Variants in RIT2 observed in about 807,000 individuals in gnomAD.
The protein encoded by RIT2 is Ras like without CAAX 2, also known as GTP-binding protein Rit2.
In RIT2, 24 loss-of-function variants were observed where a neutral mutation model predicts 23.7. The observed-to-expected ratio is 1.01, with a 90% CI of 0.73 to 1.43. The LOEUF (loss-of-function observed/expected upper bound fraction) is 1.43, where lower values mean the gene tolerates loss of function less well. RIT2 is among the 40% of genes most tolerant of loss of function. RIT2 has a pLI of 0.00. For synonymous variants in RIT2, 107 were observed against 91.1 expected, an observed-to-expected ratio of 1.17 and a Z score of -0.99; for missense variants, 236 against 266.9, an observed-to-expected ratio of 0.88 and a Z score of 0.81.
chr18:42,994,460 C>T (rs547855265), intron 2 of RIT2, among the ~76,000 whole-genome samples: 2 of 152,236 alleles, frequency 1.3e-5, no homozygotes, highest in South Asian at 4.1e-4. Flanking sequence ...TTTTGCCATC[C>T]TAACAAAACC....
chr18:43,004,326 T>A lies in RIT2; in HGVS notation c.160+29485A>T, dbSNP rs772556382. Among the ~76,000 whole-genome samples the A allele has an allele frequency of 3.2e-4, 49 of 151,972 alleles. 1 individual carries two copies. The highest frequency in any genetic ancestry group is 2.5e-3 in the Admixed American group (38 of 15,240). Reference sequence around the variant, plus strand: ...TTTTCAGCAGGTCAGTTCTCCCTACTCTGCTTAGAGTGAGTTTAGCTCATT... The same window carrying A: ...TTTTCAGCAGGTCAGTTCTCCCTACACTGCTTAGAGTGAGTTTAGCTCATT... On this transcript the variant is annotated intron_variant, in intron 2 of 4. Transcript: ENST00000326695.
intron 2 of RIT2, among the ~76,000 whole-genome samples, chr18:42,990,184 T>C (rs1044135759): frequency 6.6e-6 from 1 of 152,078 alleles, no homozygotes; most frequent in Non-Finnish European, 1.5e-5. Flanking sequence ...AGAGGACTAA[T>C]GGTGTAACTT....
Position 43,034,363 on chromosome 18 carries a change from A to G in RIT2, c.104-496T>C, listed in dbSNP as rs141286425. On this transcript the variant is annotated intron_variant, in intron 1 of 4. Coordinates refer to ENST00000326695, the MANE Select transcript of RIT2 (RefSeq NM_002930.4). ...TCTTTAACTGTTCAAAATTAAAATTATTTCAGTTACTTTTATTTTGCCTAA... is the reference window on the plus strand; with the variant it reads ...TCTTTAACTGTTCAAAATTAAAATTGTTTCAGTTACTTTTATTTTGCCTAA... Among the ~76,000 whole-genome samples, 455 of 152,250 alleles carry G rather than the reference A, an allele frequency of 3.0e-3. 5 individuals carry two copies. Among genetic ancestry groups the G allele is most frequent in the African/African-American group, 0.01 (428 of 41,544 alleles).
intron 1 of RIT2, among the ~76,000 whole-genome samples, chr18:43,106,094 C>T (rs1343874160): frequency 6.6e-6 from 1 of 152,220 alleles, no homozygotes; most frequent in Non-Finnish European, 1.5e-5. Context: ...ATATTAACCA[C>T]ACCCACACTT....
At chr18:42,826,777 A>T (rs943351201) in intron 4 of RIT2, among the ~76,000 whole-genome samples, 6 of 152,158 alleles carry the variant, frequency 3.9e-5, no homozygotes, top group Admixed American at 2.0e-4. Context: ...TGTGCCAAAT[A>T]CACGGTGAAT....
chr18:42,807,792 T>C (rs1482548246), intron 4 of RIT2, among the ~76,000 whole-genome samples: 1 of 33,394 alleles, frequency 3.0e-5, no homozygotes, highest in South Asian at 6.9e-4. Context: ...ACAAAGTGAA[T>C]GTGTGTGTGT....
intron 4 of RIT2, among the ~76,000 whole-genome samples, chr18:42,785,167 C>T (rs77377440): frequency 0.017 from 2,528 of 152,106 alleles, 23 homozygotes; most frequent in South Asian, 0.055. Context: ...TCATCAAACC[C>T]TATTTTCCAG....
intron 2 of RIT2, among the ~76,000 whole-genome samples, chr18:43,001,298 T>A (rs533202714): frequency 6.6e-6 from 1 of 152,034 alleles, no homozygotes; most frequent in Admixed American, 6.6e-5. Context: ...AGGGCTTCAA[T>A]GTAGGCAGAA....
intron 4 of RIT2, among the ~76,000 whole-genome samples, chr18:42,783,121 C>T (rs1460212644): frequency 6.6e-6 from 1 of 152,032 alleles, no homozygotes; most frequent in Non-Finnish European, 1.5e-5. Context: ...TAGTGTCTTA[C>T]CAAACACGTT....
chr18:42,767,471 C>T (rs1342554036), intron 4 of RIT2, among the ~76,000 whole-genome samples: 1 of 152,170 alleles, frequency 6.6e-6, no homozygotes, highest in Non-Finnish European at 1.5e-5. Flanking sequence ...TACCTGTACC[C>T]CTATTGTATC....
At chr18:42,949,198 C>T in intron 3 of RIT2, 1 of 393,936 alleles carries the variant, frequency 2.5e-6, no homozygotes, top group Non-Finnish European at 4.5e-6. Context: ...CACATGTGTG[C>T]TGTGGGGTGC....
At chr18:43,086,949 G>T (rs541210817) in intron 1 of RIT2, among the ~76,000 whole-genome samples, 1 of 152,222 alleles carries the variant, frequency 6.6e-6, no homozygotes, top group East Asian at 1.9e-4. Context: ...GCAACTGCTG[G>T]CCCAGAGTAG....
At chr18:42,926,774 T>C (rs1185051429) in intron 3 of RIT2, among the ~76,000 whole-genome samples, 1 of 152,014 alleles carries the variant, frequency 6.6e-6, no homozygotes, top group Non-Finnish European at 1.5e-5. Flanking sequence ...CCAGCATACA[T>C]ACTTTAAAAT....
chr18:42,949,196 T>C, intron 3 of RIT2: 1 of 394,164 alleles, frequency 2.5e-6, no homozygotes, highest in Admixed American at 4.4e-5. Flanking sequence ...GGCACATGTG[T>C]GCTGTGGGGT....
chr18:42,975,935 CT>C (rs1457379627), intron 2 of RIT2, among the ~76,000 whole-genome samples: 2 of 152,058 alleles, frequency 1.3e-5, no homozygotes, highest in Non-Finnish European at 2.9e-5. Context: ...CATTTTAGCA[CT>C]GCTTTTGCTA....
intron 4 of RIT2, among the ~76,000 whole-genome samples, chr18:42,762,225 T>G (rs540228449): frequency 6.6e-6 from 1 of 152,304 alleles, no homozygotes; most frequent in Admixed American, 6.5e-5. Flanking sequence ...ATAACTCTTC[T>G]AATATGGAAA....
intron 3 of RIT2, among the ~76,000 whole-genome samples, chr18:42,934,935 T>C (rs1909415094): frequency 6.6e-6 from 1 of 152,064 alleles, no homozygotes; most frequent in Non-Finnish European, 1.5e-5. Context: ...AAAATGATGG[T>C]AACAGTAACT....
chr18:43,091,129 A>G (rs751622432), intron 1 of RIT2, among the ~76,000 whole-genome samples: 37 of 151,988 alleles, frequency 2.4e-4, no homozygotes, highest in Non-Finnish European at 4.9e-4. Flanking sequence ...AAATAAACAG[A>G]ATGTGTTTTC....
chr18:43,011,020 T>C (rs1411873805), intron 2 of RIT2, among the ~76,000 whole-genome samples: 1 of 151,756 alleles, frequency 6.6e-6, no homozygotes, highest in African/African-American at 2.4e-5. Flanking sequence ...CAAGAAAAGA[T>C]AACGGTTAAT....
Sources: gnomAD v4.1 joint callset for allele counts (sites outside exome capture counted in the v4.1 genomes callset) on GRCh38, gnomAD v4.1.1 for gene constraint, MANE v1.5 for transcripts, NCBI Gene and HGNC (gene_info 2026-07-23, HGNC 2026-07-21) for gene names.